The following LTBP1 variants were observed in gnomAD, a reference collection of about 807,000 sequenced individuals.
LTBP1 encodes latent transforming growth factor beta binding protein 1.
In LTBP1, 129 loss-of-function variants were observed where a neutral mutation model predicts 207.6. The observed-to-expected ratio is 0.62, with a 90% CI of 0.54 to 0.72. The LOEUF (loss-of-function observed/expected upper bound fraction) is 0.72. Ranked by LOEUF, LTBP1 falls within the 30% of genes least tolerant of loss-of-function variation. LTBP1 has a pLI of 0.00. For synonymous variants in LTBP1, 963 were observed against 833.7 expected, an observed-to-expected ratio of 1.16 and a Z score of -2.67; for missense variants, 2,281 against 2,217.2, an observed-to-expected ratio of 1.03 and a Z score of -0.58.
intron 2 of LTBP1, among the ~76,000 whole-genome samples, chr2:32,960,128 T>C (rs1216102575): frequency 6.6e-6 from 1 of 152,204 alleles, no homozygotes; most frequent in Non-Finnish European, 1.5e-5. Context: ...TGCCTCTTCA[T>C]TGGCTGTGAA....
intron 7 of LTBP1, among the ~76,000 whole-genome samples, chr2:33,215,805 T>C (rs1336096724): frequency 3.4e-5 from 5 of 149,140 alleles, no homozygotes; most frequent in Non-Finnish European, 7.4e-5. Context: ...AATCTCTGCC[T>C]CCTGGGTTCA....
chr2:33,200,995 G>A (rs1247887447), intron 7 of LTBP1, among the ~76,000 whole-genome samples: 1 of 152,224 alleles, frequency 6.6e-6, no homozygotes, highest in Admixed American at 6.5e-5. Context: ...TGGAGAGGAT[G>A]TGGAGAATTA....
At chr2:33,194,802 A>G (rs2088354516) in intron 7 of LTBP1, among the ~76,000 whole-genome samples, 1 of 152,244 alleles carries the variant, frequency 6.6e-6, no homozygotes, top group Non-Finnish European at 1.5e-5. Context: ...TAGGACTTTC[A>G]TAGCTAGAGA....
intron 2 of LTBP1, among the ~76,000 whole-genome samples, chr2:33,018,819 G>A (rs1160287640): frequency 1.3e-5 from 2 of 152,104 alleles, no homozygotes; most frequent in Non-Finnish European, 2.9e-5. Context: ...CAAGTGCAGA[G>A]GCCAGGGTTA....
At chr2:33,055,138 T>G (rs2076928338) in intron 3 of LTBP1, among the ~76,000 whole-genome samples, 2 of 152,172 alleles carry the variant, frequency 1.3e-5, no homozygotes, top group Admixed American at 1.3e-4. Context: ...TGGTCCTTAT[T>G]ATAGAACACC....
At chr2:33,043,530 A>G (rs528015101) in intron 3 of LTBP1, among the ~76,000 whole-genome samples, 2 of 152,306 alleles carry the variant, frequency 1.3e-5, no homozygotes, top group East Asian at 1.9e-4. Context: ...TGCGCAGACC[A>G]TGAAGTCCAG....
At chr2:33,012,362 G>A (rs1251245549) in intron 2 of LTBP1, among the ~76,000 whole-genome samples, 2 of 152,222 alleles carry the variant, frequency 1.3e-5, no homozygotes, top group African/African-American at 4.8e-5. Flanking sequence ...ATGAGCTTGG[G>A]CAAGGAGGTG....
chr2:33,099,024 T>C (rs1255747200), intron 3 of LTBP1, among the ~76,000 whole-genome samples: 1 of 152,210 alleles, frequency 6.6e-6, no homozygotes, highest in East Asian at 1.9e-4. Flanking sequence ...CATATAATTT[T>C]GTACTTGTGC....
At chr2:33,088,945 C>T (rs2149994620) in intron 3 of LTBP1, among the ~76,000 whole-genome samples, 1 of 151,986 alleles carries the variant, frequency 6.6e-6, no homozygotes, top group African/African-American at 2.4e-5. Flanking sequence ...CACTTGAGAT[C>T]AGGAGTTTGA....
At chr2:33,075,366 T>G (rs1219845695) in intron 3 of LTBP1, among the ~76,000 whole-genome samples, 1 of 152,200 alleles carries the variant, frequency 6.6e-6, no homozygotes, top group Non-Finnish European at 1.5e-5. Context: ...TTCTAAAAGG[T>G]AAACCTTAGG....
At chr2:33,379,976 C>T (rs772980799) in intron 31 of LTBP1, among the ~76,000 whole-genome samples, 1 of 152,152 alleles carries the variant, frequency 6.6e-6, no homozygotes, top group Non-Finnish European at 1.5e-5. Context: ...CGTTAAAACA[C>T]AATTTTCTTT....
intron 2 of LTBP1, among the ~76,000 whole-genome samples, chr2:32,959,621 A>ATTTTTTTTTTTTTTTTTTTTTTTTT (rs397972038): frequency 2.7e-5 from 1 of 36,668 alleles, no homozygotes; most frequent in Admixed American, 5.3e-4. Flanking sequence ...ATATATATAT[A>ATTTTTTTTTTTTTTTTTTTTTTTTT]TTTTTTTTTT....
intron 32 of LTBP1, among the ~76,000 whole-genome samples, chr2:33,391,189 G>A (rs1026318178): frequency 1.3e-5 from 2 of 151,928 alleles, no homozygotes; most frequent in Admixed American, 1.3e-4. Context: ...ACACGCCTGT[G>A]TAACTCCCAC....
At chr2:33,270,843 T>A (rs2093304861) in intron 15 of LTBP1, among the ~76,000 whole-genome samples, 2 of 152,174 alleles carry the variant, frequency 1.3e-5, no homozygotes, top group South Asian at 4.1e-4. Flanking sequence ...GCAAGCCACG[T>A]CTCTATATAC....
chr2:32,972,233 TC>T (rs1158048580), intron 2 of LTBP1, among the ~76,000 whole-genome samples: 3 of 151,310 alleles, frequency 2.0e-5, no homozygotes, highest in Non-Finnish European at 4.4e-5. Flanking sequence ...TCTAATTTAT[TC>T]TTTCATAGAA....
chr2:33,004,852 G>A (rs967877118), intron 2 of LTBP1, among the ~76,000 whole-genome samples: 1 of 145,202 alleles, frequency 6.9e-6, no homozygotes. Flanking sequence ...ATTGTGGCTA[G>A]TATTATCAAA....
chr2:33,113,570 A>G (rs1055847909), intron 4 of LTBP1, among the ~76,000 whole-genome samples: 5 of 152,198 alleles, frequency 3.3e-5, no homozygotes, highest in African/African-American at 4.8e-5. Context: ...TGATAATACA[A>G]TTCACCATCC....
chr2:33,056,213 T>G (rs1430301079), intron 3 of LTBP1: 1 of 324,666 alleles, frequency 3.1e-6, no homozygotes, highest in Non-Finnish European at 5.8e-6. Context: ...TTTTTCAGGG[T>G]TTGTGGGTCG....
chr2:33,383,250 G>A (rs1327141258), intron 31 of LTBP1, among the ~76,000 whole-genome samples: 1 of 152,202 alleles, frequency 6.6e-6, no homozygotes, highest in Non-Finnish European at 1.5e-5. Context: ...CTACTCGGGA[G>A]GCTGAGGCAG....
Sources: allele counts gnomAD v4.1 joint callset (sites outside exome capture counted in the v4.1 genomes callset), GRCh38; gene constraint gnomAD v4.1.1; transcripts MANE v1.5; gene names NCBI Gene and HGNC (gene_info 2026-07-23, HGNC 2026-07-21).